The following ASIC2 variants were observed in gnomAD, a reference collection of about 807,000 sequenced individuals.
ASIC2 encodes the protein acid sensing ion channel subunit 2.
Under a neutral mutation model 57.3 loss-of-function variants are expected in ASIC2, and 25 were observed. The observed-to-expected ratio is 0.44, with a 90% CI of 0.32 to 0.61. ASIC2 has a LOEUF of 0.61. Ranked by LOEUF, ASIC2 falls within the 20% of genes least tolerant of loss-of-function variation. ASIC2 has a pLI of 0.06. For missense variants in ASIC2, 641 were observed against 738.1 expected (o/e 0.87, Z 1.52); for synonymous variants, 319 against 307.5 (o/e 1.04, Z -0.39).
intron 1 of ASIC2, among the ~76,000 whole-genome samples, chr17:34,022,884 GT>G (rs1907231779): frequency 6.6e-6 from 1 of 152,124 alleles, no homozygotes; most frequent in Non-Finnish European, 1.5e-5. Context: ...GAGGGTCCTG[GT>G]GGGAGGTGAC....
At chr17:33,642,982 C>A (rs1906624681) in intron 1 of ASIC2, among the ~76,000 whole-genome samples, 1 of 152,130 alleles carries the variant, frequency 6.6e-6, no homozygotes, top group African/African-American at 2.4e-5. Context: ...GGGTGGGTGC[C>A]CTTGGCAGCT....
intron 1 of ASIC2, among the ~76,000 whole-genome samples, chr17:33,393,765 A>G (rs536286684): frequency 3.1e-4 from 47 of 152,298 alleles, no homozygotes; most frequent in African/African-American, 9.9e-4. Context: ...TAGACCCACA[A>G]TGCCATCCTG....
At chr17:33,638,291 C>T (rs1012866115) in intron 1 of ASIC2, among the ~76,000 whole-genome samples, 17 of 152,194 alleles carry the variant, frequency 1.1e-4, no homozygotes, top group African/African-American at 3.9e-4. Context: ...AAGGGCTAGT[C>T]TCATCCTTGC....
intron 1 of ASIC2, among the ~76,000 whole-genome samples, chr17:33,705,127 G>A (rs1257032666): frequency 6.6e-6 from 1 of 152,114 alleles, no homozygotes; most frequent in Non-Finnish European, 1.5e-5. Flanking sequence ...GCCAAAGCAT[G>A]AAATTTTTCT....
At chr17:33,482,865 A>T (rs1913451785) in intron 1 of ASIC2, among the ~76,000 whole-genome samples, 1 of 152,212 alleles carries the variant, frequency 6.6e-6, no homozygotes, top group South Asian at 2.1e-4. Context: ...TTGTGATTGA[A>T]CAGATGGTGG....
At chr17:33,063,881 ACTTCT>A (rs1344392142) in intron 3 of ASIC2, among the ~76,000 whole-genome samples, 1 of 151,782 alleles carries the variant, frequency 6.6e-6, no homozygotes, top group East Asian at 1.9e-4. Flanking sequence ...TTTTCTCTAA[ACTTCT>A]CTTCTCGCTT....
chr17:34,000,329 G>A (rs1228039888), intron 1 of ASIC2, among the ~76,000 whole-genome samples: 12 of 144,620 alleles, frequency 8.3e-5, no homozygotes, highest in Non-Finnish European at 1.2e-4. Context: ...TCGGCTCACC[G>A]CAACCTCCAC....
At chr17:33,515,075 A>G (rs1389479734) in intron 1 of ASIC2, among the ~76,000 whole-genome samples, 2 of 152,216 alleles carry the variant, frequency 1.3e-5, no homozygotes, top group Non-Finnish European at 2.9e-5. Context: ...TAGTGAATAA[A>G]GGAGTAAAAG....
At chr17:33,354,370 G>A (rs1433312011) in intron 1 of ASIC2, among the ~76,000 whole-genome samples, 1 of 152,144 alleles carries the variant, frequency 6.6e-6, no homozygotes, top group Non-Finnish European at 1.5e-5. Context: ...CTGGACCAGA[G>A]CAATAGCTTC....
chr17:33,546,625 C>A (rs2141973311), intron 1 of ASIC2, among the ~76,000 whole-genome samples: 1 of 152,210 alleles, frequency 6.6e-6, no homozygotes, highest in Admixed American at 6.5e-5. Context: ...CCTTGTAGAA[C>A]CCCTTCTCCA....
chr17:33,684,978 C>T (rs918163607), intron 1 of ASIC2, among the ~76,000 whole-genome samples: 6 of 152,246 alleles, frequency 3.9e-5, no homozygotes, highest in Admixed American at 6.5e-5. Flanking sequence ...GCTGTCATAT[C>T]GAAGCAGAAA....
At chr17:34,126,835 C>T (rs187276371) in intron 1 of ASIC2, among the ~76,000 whole-genome samples, 166 of 152,268 alleles carry the variant, frequency 1.1e-3, no homozygotes, top group Non-Finnish European at 1.8e-3. Context: ...GGGCCTGAGG[C>T]GCTGCATTTC....
intron 1 of ASIC2, among the ~76,000 whole-genome samples, chr17:34,057,014 A>T (rs1309530238): frequency 2.0e-5 from 3 of 152,238 alleles, no homozygotes; most frequent in Non-Finnish European, 2.9e-5. Flanking sequence ...TCGTCTTTTC[A>T]TTCCCAACTG....
At chr17:33,369,878 T>C (rs1335052543) in intron 1 of ASIC2, among the ~76,000 whole-genome samples, 9 of 152,220 alleles carry the variant, frequency 5.9e-5, no homozygotes. Context: ...CAATGAGGTA[T>C]TTGGGTCTCA....
Position 33,292,052 on chromosome 17 carries a change from T to A in ASIC2, c.64A>T (p.Met22Leu), listed in dbSNP as rs1597669214. The A allele has an allele frequency of 8.9e-7, 1 of 1,120,886 alleles. No individual in the cohort carries two copies. The highest frequency in any genetic ancestry group is 1.1e-6 in the Non-Finnish European group (1 of 922,038). 69.4% of individuals were successfully genotyped at this position (1,120,886 alleles called of 1,614,324 possible). Reference protein sequence around the residue: ...AALTGPGRFRMAREEPAPAAL... With the variant: ...AALTGPGRFRLAREEPAPAAL... ...GCGGGCGCCGGCTCCTCGCGGGCCA[T>A]GCGGAAGCGTCCCGGGCCGGTGAGC... The change falls in exon 1 of 10, where the codon ATG (methionine) becomes TTG (leucine). Residue 22 changes from methionine (M) to leucine (L), a missense_variant. Transcript: ENST00000225823.
chr17:33,769,844 T>C (rs2637361), intron 1 of ASIC2, among the ~76,000 whole-genome samples: 53,657 of 152,140 alleles, frequency 0.35, 11,842 homozygotes, highest in Non-Finnish European at 0.51. Flanking sequence ...ATCTTCTCAC[T>C]GTGTCCTCAC....
chr17:33,769,516 G>C (rs1161620164), intron 1 of ASIC2, among the ~76,000 whole-genome samples: 1 of 152,234 alleles, frequency 6.6e-6, no homozygotes, highest in Non-Finnish European at 1.5e-5. Flanking sequence ...ATGGACACAG[G>C]GGACCCAGAG....
intron 1 of ASIC2, among the ~76,000 whole-genome samples, chr17:33,345,864 T>A (rs1047426168): frequency 1.1e-4 from 17 of 151,844 alleles, no homozygotes; most frequent in Admixed American, 1.1e-3. Flanking sequence ...CAGAGACCAG[T>A]TAGGAGGTAA....
At chr17:33,744,011 G>C (rs1910187050) in intron 1 of ASIC2, among the ~76,000 whole-genome samples, 1 of 152,134 alleles carries the variant, frequency 6.6e-6, no homozygotes, top group Non-Finnish European at 1.5e-5. Flanking sequence ...CCAGAGTAAT[G>C]GCTCAGAGAT....
Sources: allele counts gnomAD v4.1 joint callset (sites outside exome capture counted in the v4.1 genomes callset), GRCh38; gene constraint gnomAD v4.1.1; transcripts MANE v1.5; gene names NCBI Gene and HGNC (gene_info 2026-07-23, HGNC 2026-07-21).